Variants in FARP1 observed in about 807,000 individuals in gnomAD.
FARP1 encodes FERM, ARHGEF and pleckstrin domain-containing protein 1.
A neutral mutation model predicts 128.8 loss-of-function variants in FARP1; 52 were observed. The observed-to-expected ratio is 0.40, with a 90% CI of 0.32 to 0.51. FARP1 has a LOEUF of 0.51. Ranked by LOEUF, FARP1 falls within the 20% of genes least tolerant of loss-of-function variation. The pLI, the probability that FARP1 is intolerant of heterozygous loss-of-function variation, is 0.45. For synonymous variants in FARP1, 580 were observed against 551.8 expected, an observed-to-expected ratio of 1.05 and a Z score of -0.72; for missense variants, 1,333 against 1,367.9, an observed-to-expected ratio of 0.97 and a Z score of 0.40.
At chr13:98,204,534 T>C (rs1880148272) in intron 1 of FARP1, among the ~76,000 whole-genome samples, 1 of 152,224 alleles carries the variant, frequency 6.6e-6, no homozygotes, top group South Asian at 2.1e-4. Flanking sequence ...AAAGTATAAA[T>C]GGTTGTAAAG....
At chr13:98,368,349 C>T (rs1372302181) in intron 5 of FARP1, among the ~76,000 whole-genome samples, 154 bp downstream of exon 5, 2 of 152,204 alleles carry the variant, frequency 1.3e-5, no homozygotes, top group Non-Finnish European at 2.9e-5. Context: ...TTTCCCAGCC[C>T]TGCTTACAAA....
chr13:98,342,526 C>T (rs1235331884), intron 2 of FARP1, among the ~76,000 whole-genome samples: 2 of 151,330 alleles, frequency 1.3e-5, no homozygotes, highest in African/African-American at 4.9e-5. Context: ...TGGTGAAACC[C>T]CATCTCTACT....
intron 16 of FARP1, among the ~76,000 whole-genome samples, chr13:98,419,261 G>C (rs1378143716): frequency 6.6e-6 from 1 of 152,118 alleles, no homozygotes; most frequent in South Asian, 2.1e-4. Context: ...ATCACCTGAG[G>C]TCAGGAGTTC....
chr13:98,299,633 C>G (rs1246933224), intron 2 of FARP1, among the ~76,000 whole-genome samples: 1 of 152,176 alleles, frequency 6.6e-6, no homozygotes, highest in Non-Finnish European at 1.5e-5. Flanking sequence ...GTCTTAACTC[C>G]AATTATAGTC....
intron 6 of FARP1, among the ~76,000 whole-genome samples, chr13:98,382,849 G>A (rs562779625): frequency 2.6e-5 from 4 of 152,130 alleles, no homozygotes; most frequent in South Asian, 2.1e-4. Context: ...GTCCCCAGGC[G>A]TTGTGCTGAA....
intron 3 of FARP1, among the ~76,000 whole-genome samples, chr13:98,348,707 A>G (rs1056272033): frequency 1.3e-5 from 2 of 152,236 alleles, no homozygotes; most frequent in African/African-American, 4.8e-5. Flanking sequence ...TTTGGCTTTT[A>G]TATAGTTTTC....
intron 1 of FARP1, among the ~76,000 whole-genome samples, chr13:98,201,309 G>A (rs1879928344): frequency 6.6e-6 from 1 of 152,226 alleles, no homozygotes; most frequent in African/African-American, 2.4e-5. Flanking sequence ...GGGCATGGTA[G>A]CAGGTGCCTG....
In FARP1 at chr13:98,343,880, ACTT is replaced by A; in HGVS notation, c.276+15_276+17del. ...AAAAAGATCACGGTAGGTGATGTCA[ACTT>A]AATGTTACTATTTTACTGTCTGTTC... is the stretch of plus-strand genomic sequence containing the variant. On this transcript the variant is annotated intron_variant, in intron 3 of 26. Transcript: ENST00000319562. 6.7e-7 allele frequency: 1 copy of A among 1,502,258 alleles called. No individual in the cohort carries two copies. 93.1% of individuals were successfully genotyped at this position (1,502,258 alleles called of 1,614,324 possible).
intron 1 of FARP1, among the ~76,000 whole-genome samples, chr13:98,187,754 G>A (rs1271077876): frequency 2.6e-5 from 4 of 152,166 alleles, no homozygotes; most frequent in Non-Finnish European, 5.9e-5. Flanking sequence ...GAAATCGTGT[G>A]GCTGTTGAAA....
chr13:98,308,029 CTCTCTTTTTTTTTTTT>C lies in FARP1; in HGVS notation c.172-35731_172-35716del, dbSNP rs1463786399. On this transcript the variant is annotated intron_variant, in intron 2 of 26. Coordinates refer to ENST00000319562, the MANE Select transcript of FARP1 (RefSeq NM_005766.4). ...GCCCCCCTCCGCCCGCCCCCACTCT[CTCTCTTTTTTTTTTTT>C]TTTTTTTTTTTTTTTTTTTTGCTAA... 3.8e-3 allele frequency among the ~76,000 whole-genome samples: 438 copies of C among 114,896 alleles called. 40 individuals carry two copies. Among genetic ancestry groups the C allele is most frequent in the South Asian group, 0.028 (105 of 3,714 alleles). 75.4% of individuals were successfully genotyped at this position (114,896 alleles called of 152,430 possible).
At chr13:98,183,374 C>T (rs947936544) in intron 1 of FARP1, among the ~76,000 whole-genome samples, 2 of 152,076 alleles carry the variant, frequency 1.3e-5, no homozygotes, top group African/African-American at 4.8e-5. Context: ...CATATCTAGT[C>T]TCTGAGCTCC....
At chr13:98,290,288 A>C (rs1387613037) in intron 2 of FARP1, among the ~76,000 whole-genome samples, 1 of 152,038 alleles carries the variant, frequency 6.6e-6, no homozygotes, top group Non-Finnish European at 1.5e-5. Context: ...ATGGTGTGCA[A>C]ATGGATATAT....
At chr13:98,202,619 C>T (rs1880021151) in intron 1 of FARP1, among the ~76,000 whole-genome samples, 1 of 151,930 alleles carries the variant, frequency 6.6e-6, no homozygotes, top group Non-Finnish European at 1.5e-5. Flanking sequence ...GATTTATGCT[C>T]TCAGTGGGGC....
At chr13:98,155,768 T>C (rs1876460116) in intron 1 of FARP1, among the ~76,000 whole-genome samples, 1 of 152,082 alleles carries the variant, frequency 6.6e-6, no homozygotes, top group South Asian at 2.1e-4. Context: ...GGTCATCTGC[T>C]TCGGCCTCCC....
rs1328154592 is a variant in FARP1 at position 98,176,378 on chromosome 13, T to C, written c.-24+32886T>C. ...TGGTCACAGATGTAGCAGCGCGGGG[T>C]GGCCCGGAAGTGCTCCAGCGCGCAG... is the stretch of plus-strand genomic sequence containing the variant. On this transcript the variant is annotated intron_variant, in intron 1 of 26. Coordinates refer to ENST00000319562, the MANE Select transcript of FARP1 (RefSeq NM_005766.4). The surrounding 1 kb of genome is among the most constrained non-coding windows in gnomAD (Gnocchi z 6.2). 14 of 1,614,142 alleles carry C rather than the reference T, an allele frequency of 8.7e-6. No individual in the cohort carries two copies. The highest frequency in any genetic ancestry group is 1.2e-5 in the Non-Finnish European group (14 of 1,180,022).
At position 98,384,765 on chromosome 13, in the gene FARP1, G is replaced by C. The variant is rs758237923; in HGVS notation, c.532G>C (p.Glu178Gln). 4.3e-6 allele frequency: 7 copies of C among 1,613,684 alleles called. No homozygotes were observed. Among genetic ancestry groups the C allele is most frequent in the Middle Eastern group, 1.7e-4 (1 of 6,058 alleles). ...IGDFDEALDR[E>Q]HLAKNKYIPQ... ...GGATTTTGATGAAGCCTTGGACAGAGAGCACTTAGCAAAAAATAAATACAT... is the reference window on the plus strand; with the variant it reads ...GGATTTTGATGAAGCCTTGGACAGACAGCACTTAGCAAAAAATAAATACAT... The change falls in exon 7 of 27, where the codon GAG (glutamate) becomes CAG (glutamine). Residue 178 changes from glutamate to glutamine, a missense_variant. Coordinates refer to ENST00000319562, the MANE Select transcript of FARP1 (RefSeq NM_005766.4).
intron 1 of FARP1, among the ~76,000 whole-genome samples, chr13:98,198,415 C>A (rs869816): frequency 0.035 from 5,364 of 152,198 alleles, 304 homozygotes; most frequent in African/African-American, 0.12. Flanking sequence ...TTAAGCAATA[C>A]AAAGACATGA....
intron 2 of FARP1, among the ~76,000 whole-genome samples, chr13:98,286,507 G>A (rs969934437): frequency 2.6e-5 from 4 of 152,152 alleles, no homozygotes; most frequent in African/African-American, 9.7e-5. Flanking sequence ...AGGGGGTTCT[G>A]CTTTTGCTTC....
intron 13 of FARP1, 63 bp from the exon 14 acceptor site, chr13:98,409,275 T>C: frequency 7.6e-7 from 1 of 1,323,600 alleles, no homozygotes; most frequent in Non-Finnish European, 1.0e-6. Context: ...AAGTAGTGAA[T>C]AGAAATCAGG....
Sources: allele counts gnomAD v4.1 joint callset (sites outside exome capture counted in the v4.1 genomes callset), GRCh38; gene constraint gnomAD v4.1.1; non-coding constraint Gnocchi (gnomAD v3.1); transcripts MANE v1.5; gene names NCBI Gene and HGNC (gene_info 2026-07-23, HGNC 2026-07-21).